The following MTRF1L variants were observed in gnomAD, a reference collection of about 807,000 sequenced individuals.
MTRF1L encodes peptide chain release factor 1-like, mitochondrial.
Under a neutral mutation model 40.0 loss-of-function variants are expected in MTRF1L, and 29 were observed. That is an observed-to-expected ratio of 0.73 (90% CI 0.54 to 0.99). The LOEUF is 0.99. MTRF1L is among the 50% of genes least tolerant of loss of function. The pLI, the probability that MTRF1L is intolerant of heterozygous loss-of-function variation, is 0.00. For missense variants in MTRF1L, 412 were observed against 464.5 expected, an observed-to-expected ratio of 0.89 and a Z score of 1.04; for synonymous variants, 150 against 175.8, an observed-to-expected ratio of 0.85 and a Z score of 1.16.
intron 2 of MTRF1L, among the ~76,000 whole-genome samples, chr6:152,996,252 A>G (rs1022769385): frequency 1.3e-5 from 2 of 152,182 alleles, no homozygotes; most frequent in African/African-American, 2.4e-5. Flanking sequence ...GTACACTGCT[A>G]TCACACTTGA....
chr6:152,995,337 T>A lies in MTRF1L; in HGVS notation c.340-18A>T. ...AAGATAATCTGTAAATATAAAAATATCACCCCTCCTATAATTAAGATTTAA... is the reference window on the plus strand; with the variant it reads ...AAGATAATCTGTAAATATAAAAATAACACCCCTCCTATAATTAAGATTTAA... On this transcript the variant is annotated intron_variant, in intron 2 of 6. Transcript: ENST00000367233. 3 of 1,525,844 alleles carry A rather than the reference T, an allele frequency of 2.0e-6. No homozygotes were observed. The highest frequency in any genetic ancestry group is 2.7e-6 in the Non-Finnish European group (3 of 1,127,672). The allele number at this position is 1,525,844 out of a possible 1,614,324, so 94.5% of individuals were successfully genotyped here. A position where few individuals can be genotyped will look rare whatever the true frequency, so the allele number is the denominator to read the frequency against.
At chr6:152,998,850 A>AT (rs1170627570) in intron 1 of MTRF1L, 8 of 283,930 alleles carry the variant, frequency 2.8e-5, no homozygotes, top group East Asian at 6.4e-5. Context: ...TAAGTATAAA[A>AT]TTTTTTTTCT....
chr6:153,002,261 G>A (rs1387482286), intron 1 of MTRF1L, among the ~76,000 whole-genome samples, 166 bp downstream of exon 1: 1 of 152,182 alleles, frequency 6.6e-6, no homozygotes, highest in Non-Finnish European at 1.5e-5. Context: ...GAGCCCACAG[G>A]AGAGGATGGG....
chr6:152,996,419 T>C (rs945210255), intron 2 of MTRF1L, among the ~76,000 whole-genome samples: 5 of 152,206 alleles, frequency 3.3e-5, no homozygotes, highest in African/African-American at 1.2e-4. Flanking sequence ...ATCCTTCTTA[T>C]TCACACAAAA....
rs1778585685 is a variant in MTRF1L at position 152,993,049 on chromosome 6, G to C, written c.688-75C>G. On this transcript the variant is annotated intron_variant, in intron 4 of 6. Transcript: ENST00000367233. ...ATAAAGGCAAGAGCGACCCATTTAT[G>C]AATATACAACATGTACAGAATTCAT... 6 of 1,037,716 alleles carry C rather than the reference G, an allele frequency of 5.8e-6. No homozygotes were observed. The East Asian group carries it at 1.4e-4, about 25-fold the overall frequency. 64.3% of individuals were successfully genotyped at this position (1,037,716 alleles called of 1,614,324 possible).
intron 2 of MTRF1L, 143 bp downstream of exon 2, chr6:152,998,407 C>T (rs1778791796): frequency 3.7e-6 from 2 of 537,704 alleles, no homozygotes; most frequent in African/African-American, 2.0e-5. Context: ...TCAATTTATA[C>T]CTCAATAAAT....
At chr6:152,991,067 T>C (rs961874095) in intron 6 of MTRF1L, 118 bp downstream of exon 6, 13 of 635,078 alleles carry the variant, frequency 2.0e-5, no homozygotes, top group Middle Eastern at 4.4e-4. Flanking sequence ...CTTAGACTAC[T>C]TGAATTGTTT....
At chr6:153,002,372 C>CA (rs1258605845) in intron 1 of MTRF1L, 55 bp downstream of exon 1, 16 of 1,613,468 alleles carry the variant, frequency 9.9e-6, no homozygotes, top group Non-Finnish European at 1.4e-5. Context: ...GTGGAAAAGT[C>CA]AAACGAAGAG....
rs756721622 is a variant in MTRF1L, at chr6:152,991,169, A to T, written c.942+16T>A. 1.4e-6 allele frequency: 2 copies of T among 1,457,212 alleles called. No individual in the cohort carries two copies. Among genetic ancestry groups the T allele is most frequent in the South Asian group, 1.3e-5 (1 of 75,094 alleles). The allele number at this position is 1,457,212 out of a possible 1,614,324, so 90.3% of individuals were successfully genotyped here. A position where few individuals can be genotyped will look rare whatever the true frequency, so the allele number is the denominator to read the frequency against. ...ATTTCTATCCTTTAAAAGCATTTTT[A>T]AAATTCTTTTTTTACCTGAATTTTT... On this transcript the variant is annotated intron_variant, in intron 6 of 6. Coordinates refer to ENST00000367233, the MANE Select transcript of MTRF1L (RefSeq NM_019041.7).
intron 1 of MTRF1L, among the ~76,000 whole-genome samples, chr6:152,999,168 C>T (rs1026121378): frequency 2.0e-5 from 3 of 152,160 alleles, no homozygotes; most frequent in Non-Finnish European, 4.4e-5. Context: ...CGAAGTACTC[C>T]TCTGTCTCTC....
intron 2 of MTRF1L, 63 bp from the exon 3 acceptor site, chr6:152,995,382 AG>A: frequency 7.4e-7 from 1 of 1,343,354 alleles, no homozygotes; most frequent in Non-Finnish European, 1.0e-6. Context: ...AAAAATAAAA[AG>A]CTAAATGATT....
At position 153,002,493 on chromosome 6, in the gene MTRF1L, G is replaced by A; in HGVS notation, c.193C>T (p.Leu65=). The change falls in exon 1 of 7, where the codon CTG becomes TTG. Residue 65 remains leucine (L), a synonymous_variant. Coordinates refer to ENST00000367233, the MANE Select transcript of MTRF1L (RefSeq NM_019041.7). ...AHLKVRRPEL[L]AVIKLLNEKE... is the part of the protein sequence containing the mutation. ...TCGTTCAGCAGTTTGATCACCGCCA[G>A]CAACTCGGGCCTCCTGACCTTCAAA... The A allele has an allele frequency of 6.2e-7, 1 of 1,613,550 alleles. No individual in the cohort carries two copies.
At chr6:152,994,762 A>AT in intron 3 of MTRF1L, 86 bp from the exon 4 acceptor site, 1 of 1,511,566 alleles carries the variant, frequency 6.6e-7, no homozygotes, top group Non-Finnish European at 9.2e-7. Context: ...CTTGAGGTAT[A>AT]TTTTTAAAGT....
At chr6:152,997,521 A>G (rs1049924566) in intron 2 of MTRF1L, among the ~76,000 whole-genome samples, 1 of 152,206 alleles carries the variant, frequency 6.6e-6, no homozygotes, top group Admixed American at 6.5e-5. Context: ...TCCTGGAGAC[A>G]AAGTACAATC....
chr6:152,990,847 A>G (rs1418058411), intron 6 of MTRF1L, among the ~76,000 whole-genome samples: 1 of 152,086 alleles, frequency 6.6e-6, no homozygotes. Context: ...CAACAACAAA[A>G]ATTAAATACA....
intron 1 of MTRF1L, 129 bp downstream of exon 1, chr6:153,002,298 C>G: frequency 1.4e-6 from 2 of 1,402,022 alleles, no homozygotes; most frequent in South Asian, 1.2e-5. Flanking sequence ...ATGTCCTGAC[C>G]TCTGATCCAA....
intron 1 of MTRF1L, among the ~76,000 whole-genome samples, chr6:152,999,081 C>T (rs1322267914): frequency 2.0e-5 from 3 of 152,084 alleles, no homozygotes; most frequent in Non-Finnish European, 4.4e-5. Context: ...CTCTTATAAG[C>T]AAATGTTTCA....
At chr6:152,997,046 T>A (rs1408814833) in intron 2 of MTRF1L, among the ~76,000 whole-genome samples, 1 of 152,122 alleles carries the variant, frequency 6.6e-6, no homozygotes, top group East Asian at 1.9e-4. Flanking sequence ...AGAACAAACA[T>A]TAAATTGCTG....
intron 6 of MTRF1L, among the ~76,000 whole-genome samples, chr6:152,990,862 G>GA (rs1263160532): frequency 1.3e-5 from 2 of 151,932 alleles, no homozygotes; most frequent in African/African-American, 2.4e-5. Flanking sequence ...AATACAGGAA[G>GA]AAAAAAACAG....
Sources: gnomAD v4.1 joint callset for allele counts (sites outside exome capture counted in the v4.1 genomes callset) on GRCh38, gnomAD v4.1.1 for gene constraint, MANE v1.5 for transcripts, NCBI Gene and HGNC (gene_info 2026-07-23, HGNC 2026-07-21) for gene names.